Variants in HIVEP3 observed in about 807,000 individuals in gnomAD.
HIVEP3 encodes the protein transcription factor HIVEP3.
In HIVEP3, 49 loss-of-function variants were observed where a neutral mutation model predicts 152.8. The observed-to-expected ratio is 0.32, with a 90% CI of 0.26 to 0.41. The LOEUF (loss-of-function observed/expected upper bound fraction) is 0.41. Among genes scored for constraint, HIVEP3 ranks in the 10% least tolerant of loss-of-function variants. HIVEP3 has a pLI of 1.00. For synonymous variants in HIVEP3, 1,269 were observed against 1,289.0 expected (o/e 0.98, Z 0.33); for missense variants, 2,790 against 3,103.3 (o/e 0.90, Z 2.40).
At chr1:41,726,676 G>A (rs1473414095) in intron 1 of HIVEP3, among the ~76,000 whole-genome samples, 2 of 152,194 alleles carry the variant, frequency 1.3e-5, no homozygotes, top group Non-Finnish European at 2.9e-5. Flanking sequence ...AGGCCCAAGT[G>A]CAATACTGAG....
chr1:41,999,238 G>GA (rs1645413416), intron 1 of HIVEP3, among the ~76,000 whole-genome samples: 1 of 151,944 alleles, frequency 6.6e-6, no homozygotes, highest in South Asian at 2.1e-4. Context: ...GCCCCGTACA[G>GA]AAAGTGTAGA....
At chr1:41,756,845 A>G (rs754306526) in intron 1 of HIVEP3, among the ~76,000 whole-genome samples, 11 of 152,244 alleles carry the variant, frequency 7.2e-5, no homozygotes, top group Non-Finnish European at 8.8e-5. Context: ...GGATCTCAGT[A>G]TAGTGCCTGA....
intron 2 of HIVEP3, among the ~76,000 whole-genome samples, chr1:41,630,106 C>G (rs1645172751): frequency 2.0e-5 from 3 of 152,142 alleles, no homozygotes; most frequent in Admixed American, 1.3e-4. Context: ...TAAAAAAGAA[C>G]AAAATCATGT....
At chr1:41,832,380 A>AATTAG (rs1374185993) in intron 1 of HIVEP3, among the ~76,000 whole-genome samples, 1 of 152,136 alleles carries the variant, frequency 6.6e-6, no homozygotes, top group Non-Finnish European at 1.5e-5. Flanking sequence ...TTTTTTAAAA[A>AATTAG]ATTAGCCAGG....
Position 41,512,799 on chromosome 1 carries a change from C to A in HIVEP3, c.6405+17G>T, listed in dbSNP as rs758226046. ...CACAGGGGAGAAGCGGCCCAGCCACCAGGGGCAGGAACTCACCCACGGGGA... is the reference window on the plus strand; with the variant it reads ...CACAGGGGAGAAGCGGCCCAGCCACAAGGGGCAGGAACTCACCCACGGGGA... On this transcript the variant is annotated intron_variant, in intron 8 of 8. Transcript: ENST00000372583. 6.8e-7 allele frequency: 1 copy of A among 1,465,608 alleles called. No homozygotes were observed. The highest frequency in any genetic ancestry group is 2.6e-5 in the Admixed American group (1 of 39,152). The allele number at this position is 1,465,608 out of a possible 1,614,324, so 90.8% of individuals were successfully genotyped here.
At position 41,579,975 on chromosome 1, in the gene HIVEP3, T is replaced by C. The variant is rs1644376049; in HGVS notation, c.4823A>G (p.Tyr1608Cys). The change falls in exon 4 of 9, where the codon TAT (tyrosine) becomes TGT (cysteine). Residue 1608 changes from tyrosine to cysteine, a missense_variant. Around this residue, in one of 9 missense-constraint regions of HIVEP3, gnomAD observed 1,078 missense variants for 1,165.3 expected, o/e 0.93. Transcript: ENST00000372583. ...LHTTTNVSWC[Y>C]LNYIKPNHIQ... The stretch of plus-strand genomic sequence containing the variant: ...GTGATTTGGCTTAATGTAGTTTAAA[T>C]AGCACCAACTGACATTAGTGGTTGT... 1.2e-6 allele frequency: 2 copies of C among 1,614,146 alleles called. No homozygotes were observed. Among genetic ancestry groups the C allele is most frequent in the Admixed American group, 1.7e-5 (1 of 60,016 alleles).
At chr1:41,964,309 G>A (rs1645186195) in intron 1 of HIVEP3, among the ~76,000 whole-genome samples, 1 of 152,214 alleles carries the variant, frequency 6.6e-6, no homozygotes, top group South Asian at 2.1e-4. Context: ...GGAGCCACAC[G>A]GGGAAAGGGG....
At chr1:41,938,031 G>C (rs968666804) in intron 1 of HIVEP3, among the ~76,000 whole-genome samples, 4 of 152,148 alleles carry the variant, frequency 2.6e-5, no homozygotes, top group Non-Finnish European at 5.9e-5. Flanking sequence ...GTCTTCCAGT[G>C]CCAAAGTCTT....
chr1:41,757,508 G>A (rs1196953410), intron 1 of HIVEP3, among the ~76,000 whole-genome samples: 1 of 151,802 alleles, frequency 6.6e-6, no homozygotes, highest in Non-Finnish European at 1.5e-5. Flanking sequence ...AGGCTGTAGT[G>A]AGCTATGCTC....
chr1:41,584,727 C>T lies in HIVEP3; in HGVS notation c.71G>A (p.Gly24Glu), dbSNP rs757186319. The stretch of plus-strand genomic sequence containing the variant: ...AGAAACACTGGTCTGAATGGCCTCT[C>T]CTTTGGTCAGCCGCTTCCGGGGACT... The part of the protein sequence containing the change: ...EGSPRKRLTK[G>E]EAIQTSVSSS... Residue 24 changes from glycine (G) to glutamate (E), a missense_variant, in exon 4 of 9, where the codon GGA becomes GAA. Coordinates refer to ENST00000372583, the MANE Select transcript of HIVEP3 (RefSeq NM_024503.5). This position sits in a 1 kb window ranked among gnomAD's most constrained non-coding sequence, Gnocchi z 5.2. 65 of 1,531,726 alleles carry T rather than the reference C, an allele frequency of 4.2e-5. No homozygotes were observed. The highest frequency in any genetic ancestry group is 5.3e-5 in the Non-Finnish European group (61 of 1,142,358). 94.9% of individuals were successfully genotyped at this position (1,531,726 alleles called of 1,614,324 possible). A position where few individuals can be genotyped will look rare whatever the true frequency, so the allele number is the denominator to read the frequency against.
At chr1:41,559,787 T>G (rs1449929747) in intron 5 of HIVEP3, among the ~76,000 whole-genome samples, 2 of 152,218 alleles carry the variant, frequency 1.3e-5, no homozygotes, top group Non-Finnish European at 1.5e-5. Context: ...TACGATTAAG[T>G]GATTTCTGAG....
At chr1:41,779,172 C>T (rs1648888794) in intron 1 of HIVEP3, among the ~76,000 whole-genome samples, 1 of 152,152 alleles carries the variant, frequency 6.6e-6, no homozygotes, top group African/African-American at 2.4e-5. Context: ...TCCTGCTGTC[C>T]CCCAACCAGG....
At chr1:41,611,612 G>A (rs897559970) in intron 3 of HIVEP3, among the ~76,000 whole-genome samples, 1 of 152,222 alleles carries the variant, frequency 6.6e-6, no homozygotes, top group African/African-American at 2.4e-5. Flanking sequence ...TGCAGTGTGT[G>A]TCTCAACCAC....
intron 2 of HIVEP3, among the ~76,000 whole-genome samples, chr1:41,686,150 C>A (rs1244608198): frequency 6.6e-6 from 1 of 152,162 alleles, no homozygotes; most frequent in East Asian, 1.9e-4. Context: ...CAGCCCACTA[C>A]AACCTCTACC....
intron 2 of HIVEP3, among the ~76,000 whole-genome samples, chr1:41,631,975 C>T (rs1414902895): frequency 6.6e-6 from 1 of 152,174 alleles, no homozygotes; most frequent in Non-Finnish European, 1.5e-5. Flanking sequence ...CAATCGTGCC[C>T]ACCTTGCTGA....
intron 1 of HIVEP3, among the ~76,000 whole-genome samples, chr1:41,827,809 T>C (rs1642846992): frequency 6.6e-6 from 1 of 152,078 alleles, no homozygotes; most frequent in Non-Finnish European, 1.5e-5. Flanking sequence ...GGCAATTTCA[T>C]CAGGACCTCC....
intron 2 of HIVEP3, among the ~76,000 whole-genome samples, chr1:41,675,760 C>T (rs528083541): frequency 3.7e-4 from 57 of 152,334 alleles, no homozygotes; most frequent in African/African-American, 1.3e-3. Flanking sequence ...CTGCACCTGG[C>T]ATAGAATATG....
intron 2 of HIVEP3, among the ~76,000 whole-genome samples, chr1:41,694,817 T>G (rs532683061): frequency 6.6e-6 from 1 of 152,282 alleles, no homozygotes; most frequent in East Asian, 1.9e-4. Context: ...AAAGTTGGGA[T>G]CACTAGTCTC....
chr1:41,575,425 A>T, intron 5 of HIVEP3, 119 bp downstream of exon 5: 1 of 1,028,300 alleles, frequency 9.7e-7, no homozygotes, highest in Non-Finnish European at 1.5e-6. Flanking sequence ...CATCGCTGGG[A>T]CCACAGGGCA....
Sources: gnomAD v4.1 joint callset for allele counts (sites outside exome capture counted in the v4.1 genomes callset) on GRCh38, gnomAD v4.1.1 for gene constraint, gnomAD v4.1.1 regional missense constraint, Gnocchi (gnomAD v3.1) non-coding constraint, MANE v1.5 for transcripts, NCBI Gene and HGNC (gene_info 2026-07-23, HGNC 2026-07-21) for gene names.